The following TNIK variants were observed in gnomAD, a reference collection of about 807,000 sequenced individuals.
TNIK encodes the protein TRAF2 and NCK-interacting protein kinase.
Under a neutral mutation model 191.3 loss-of-function variants are expected in TNIK, and 49 were observed. That is an observed-to-expected ratio of 0.26 (90% CI 0.20 to 0.32). The LOEUF is 0.32. Ranked by LOEUF, TNIK falls within the 10% of genes least tolerant of loss-of-function variation. TNIK has a pLI of 1.00. For synonymous variants in TNIK, 594 were observed against 600.9 expected (o/e 0.99, Z 0.17); for missense variants, 1,155 against 1,702.3 (o/e 0.68, Z 5.66).
At chr3:171,426,221 A>T (rs917235119) in intron 1 of TNIK, among the ~76,000 whole-genome samples, 2 of 151,968 alleles carry the variant, frequency 1.3e-5, no homozygotes, top group Admixed American at 6.6e-5. Flanking sequence ...AATACAATGC[A>T]GCCATAAAAA....
intron 15 of TNIK, among the ~76,000 whole-genome samples, chr3:171,131,337 CAAAAAAAAAAAAAAAAAAAAAAAAA>C (rs61728094): frequency 4.3e-5 from 1 of 23,138 alleles, no homozygotes; most frequent in Non-Finnish European, 1.1e-4. Context: ...GACTCCGTCT[CAAAAAAAAAAAAAAAAAAAAAAAAA>C]AAAAAAAAAA....
intron 1 of TNIK, among the ~76,000 whole-genome samples, chr3:171,395,397 C>A (rs1720086271): frequency 3.9e-5 from 6 of 152,196 alleles, no homozygotes; most frequent in Admixed American, 3.3e-4. Context: ...GCTCCTCTAA[C>A]CGTGCTTGGC....
At chr3:171,164,560 G>A (rs903982323) in intron 10 of TNIK, among the ~76,000 whole-genome samples, 14 of 152,224 alleles carry the variant, frequency 9.2e-5, no homozygotes, top group African/African-American at 3.4e-4. Context: ...CTGGAGTGAT[G>A]TTCACATAAC....
chr3:171,427,675 T>C (rs1724818856), intron 1 of TNIK, among the ~76,000 whole-genome samples: 1 of 152,206 alleles, frequency 6.6e-6, no homozygotes, highest in South Asian at 2.1e-4. Context: ...CACTTAGTGC[T>C]ACCTTTCTAA....
In TNIK at chr3:171,263,704, G is replaced by T. The variant is rs1432849726; in HGVS notation, c.124-35483C>A. On this transcript the variant is annotated intron_variant, in intron 2 of 32. Transcript: ENST00000436636. ...CATAGAAAAGTAAAAATATATTACA[G>T]TATTTCTGACAAGAGCCATTATTAG... Among the ~76,000 whole-genome samples the T allele has an allele frequency of 2.0e-5, 3 of 151,912 alleles. No individual in the cohort carries two copies. In the East Asian group the frequency reaches 5.9e-4, roughly 30 times the overall value.
intron 2 of TNIK, chr3:171,346,946 C>A: frequency 2.0e-6 from 1 of 511,796 alleles, no homozygotes. Flanking sequence ...ATCAAATAAG[C>A]ATTTTAATAT....
chr3:171,158,657 A>G (rs370568813), intron 11 of TNIK, among the ~76,000 whole-genome samples: 1 of 152,264 alleles, frequency 6.6e-6, no homozygotes, highest in East Asian at 1.9e-4. Context: ...CTCTAAGGAT[A>G]CGGCAGTTGC....
At chr3:171,238,608 C>T (rs1480005016) in intron 2 of TNIK, among the ~76,000 whole-genome samples, 1 of 152,062 alleles carries the variant, frequency 6.6e-6, no homozygotes, top group Non-Finnish European at 1.5e-5. Flanking sequence ...CAGGACACCA[C>T]CCTTCCCCAA....
intron 20 of TNIK, among the ~76,000 whole-genome samples, chr3:171,107,529 C>T (rs1235451611): frequency 6.6e-6 from 1 of 152,180 alleles, no homozygotes; most frequent in Non-Finnish European, 1.5e-5. Context: ...CCTCCATACT[C>T]CTCTTTAAGG....
chr3:171,264,181 T>C (rs191139788), intron 2 of TNIK, among the ~76,000 whole-genome samples: 126 of 148,794 alleles, frequency 8.5e-4, no homozygotes, highest in African/African-American at 2.8e-3. Context: ...TTTCCTCTAA[T>C]AATGGCTCTT....
chr3:171,163,335 C>T (rs1416089900), intron 10 of TNIK, among the ~76,000 whole-genome samples: 1 of 152,184 alleles, frequency 6.6e-6, no homozygotes. Context: ...ACCTTGAAGA[C>T]ATTTGCACAT....
chr3:171,358,418 A>G (rs185943270), intron 2 of TNIK, among the ~76,000 whole-genome samples: 125 of 152,272 alleles, frequency 8.2e-4, no homozygotes, highest in African/African-American at 2.9e-3. Context: ...TCCCCTTTAT[A>G]AAACCATCAG....
intron 4 of TNIK, among the ~76,000 whole-genome samples, chr3:171,200,402 T>C (rs575675740): frequency 2.2e-4 from 33 of 151,922 alleles, no homozygotes; most frequent in African/African-American, 8.0e-4. Flanking sequence ...TGGGTAATTA[T>C]TACTATCTAA....
At chr3:171,158,636 A>G (rs934510039) in intron 11 of TNIK, among the ~76,000 whole-genome samples, 1 of 152,234 alleles carries the variant, frequency 6.6e-6, no homozygotes, top group Non-Finnish European at 1.5e-5. Flanking sequence ...TGTGGCAGTC[A>G]CTGTAGTAAG....
At chr3:171,212,192 G>A (rs76040743) in intron 3 of TNIK, among the ~76,000 whole-genome samples, 1,779 of 152,062 alleles carry the variant, frequency 0.012, 35 homozygotes, top group African/African-American at 0.041. Flanking sequence ...CCTCCACTCC[G>A]GCTGCACTGC....
chr3:171,116,052 T>C (rs1726641221), intron 18 of TNIK, among the ~76,000 whole-genome samples: 1 of 152,214 alleles, frequency 6.6e-6, no homozygotes, highest in Non-Finnish European at 1.5e-5. Context: ...GTTGCTATTT[T>C]TGCTGCTGGA....
At chr3:171,330,609 G>A (rs1756302125) in intron 2 of TNIK, among the ~76,000 whole-genome samples, 1 of 152,162 alleles carries the variant, frequency 6.6e-6, no homozygotes, top group South Asian at 2.1e-4. Context: ...TTGTAAGCTG[G>A]AGGAGGTATA....
At chr3:171,104,204 T>A (rs1724242518) in intron 21 of TNIK, among the ~76,000 whole-genome samples, 1 of 152,130 alleles carries the variant, frequency 6.6e-6, no homozygotes, top group South Asian at 2.1e-4. Context: ...GCTAAGAACC[T>A]ATGTGTTTAG....
intron 2 of TNIK, among the ~76,000 whole-genome samples, chr3:171,288,449 C>T (rs1317662985): frequency 6.6e-6 from 1 of 152,020 alleles, no homozygotes; most frequent in African/African-American, 2.4e-5. Flanking sequence ...TTGTACTATC[C>T]ACCATAAGGG....
Sources: allele counts gnomAD v4.1 joint callset (sites outside exome capture counted in the v4.1 genomes callset), GRCh38; gene constraint gnomAD v4.1.1; transcripts MANE v1.5; gene names NCBI Gene and HGNC (gene_info 2026-07-23, HGNC 2026-07-21).